The following DNMT3A variants were observed in gnomAD, a reference collection of about 807,000 sequenced individuals.
DNMT3A encodes DNA (cytosine-5)-methyltransferase 3A.
Under a neutral mutation model 117.6 loss-of-function variants are expected in DNMT3A, and 267 were observed. That is an observed-to-expected ratio of 2.27 (90% CI 2.05 to 2.51). The LOEUF is 2.51. Among genes scored for constraint, DNMT3A ranks in the 30% most tolerant of loss-of-function variants. The probability of loss-of-function intolerance (pLI) is 0.00; values close to 1 mark genes in which losing one functional copy is unlikely to be tolerated. For synonymous variants in DNMT3A, 432 were observed against 474.8 expected, an observed-to-expected ratio of 0.91 and a Z score of 1.17; for missense variants, 1,029 against 1,260.2, an observed-to-expected ratio of 0.82 and a Z score of 2.78.
Position 25,283,043 on chromosome 2 carries a change from A to G in DNMT3A, c.178-332T>C, listed in dbSNP as rs2032006455. 2.0e-5 allele frequency among the ~76,000 whole-genome samples: 3 copies of G among 152,142 alleles called. No individual in the cohort carries two copies. The South Asian group carries it at 6.2e-4, about 31-fold the overall frequency. ...TCACTGAGGTTACATAGGACGTCCAAGCCTTCTCTGCAGCCCCTGTTAAAA... is the reference window on the plus strand; with the variant it reads ...TCACTGAGGTTACATAGGACGTCCAGGCCTTCTCTGCAGCCCCTGTTAAAA... On this transcript the variant is annotated intron_variant, in intron 3 of 22. Transcript: ENST00000321117.
intron 6 of DNMT3A, among the ~76,000 whole-genome samples, chr2:25,269,272 A>G (rs1259639089): frequency 1.3e-5 from 2 of 152,236 alleles, no homozygotes; most frequent in Admixed American, 6.5e-5. Context: ...GGTTGCAGTG[A>G]GCCAAGAGAC....
chr2:25,265,483 C>T (rs991788518), intron 6 of DNMT3A, among the ~76,000 whole-genome samples: 1 of 152,176 alleles, frequency 6.6e-6, no homozygotes, highest in African/African-American at 2.4e-5. Flanking sequence ...AACCTACTTA[C>T]CTAGATAAAT....
intron 3 of DNMT3A, among the ~76,000 whole-genome samples, chr2:25,291,108 T>A (rs1283460763): frequency 6.6e-6 from 1 of 152,170 alleles, no homozygotes; most frequent in Non-Finnish European, 1.5e-5. Flanking sequence ...GCAAGGAAGC[T>A]GCGTGATGCC....
chr2:25,326,909 G>A (rs539826062), intron 1 of DNMT3A, among the ~76,000 whole-genome samples: 7 of 152,178 alleles, frequency 4.6e-5, no homozygotes, highest in African/African-American at 7.2e-5. Flanking sequence ...ACGTAGCAGC[G>A]GTGTGCTTCC....
At position 25,240,377 on chromosome 2, in the gene DNMT3A, G is replaced by GC; in HGVS notation, c.2246dup (p.Phe751LeufsTer6). 1 of 1,614,166 alleles carries GC rather than the reference G, an allele frequency of 6.2e-7. No homozygotes were observed. The highest frequency in any genetic ancestry group is 8.5e-7 in the Non-Finnish European group (1 of 1,180,002). ...CATTCTCAAAGAGCCAGAAGAAGGG[G>GC]CGATCATCTCCCTCCTTGGGCCGCG... On this transcript the variant is annotated frameshift_variant, in exon 19 of 23. Transcript: ENST00000321117. LOFTEE classifies it high-confidence loss of function.
intron 1 of DNMT3A, among the ~76,000 whole-genome samples, chr2:25,333,400 G>C (rs1294016793): frequency 6.6e-6 from 1 of 151,884 alleles, no homozygotes. Context: ...CGCGATCTCG[G>C]CTCACTGCAA....
intron 2 of DNMT3A, among the ~76,000 whole-genome samples, chr2:25,309,645 TAAC>T (rs2033992326): frequency 6.6e-6 from 1 of 152,190 alleles, no homozygotes; most frequent in Non-Finnish European, 1.5e-5. Flanking sequence ...CACTAGCACT[TAAC>T]AAGCTGTGTG....
At chr2:25,333,660 C>A (rs2035098531) in intron 1 of DNMT3A, among the ~76,000 whole-genome samples, 1 of 152,170 alleles carries the variant, frequency 6.6e-6, no homozygotes, top group Non-Finnish European at 1.5e-5. Flanking sequence ...GCAGCAGGGC[C>A]TTACAGAGCA....
At chr2:25,340,364 G>A (rs1348709258) in intron 1 of DNMT3A, among the ~76,000 whole-genome samples, 2 of 152,200 alleles carry the variant, frequency 1.3e-5, no homozygotes, top group African/African-American at 4.8e-5. Context: ...AATGGCAGAG[G>A]GGCGCTGGGG....
intron 4 of DNMT3A, among the ~76,000 whole-genome samples, chr2:25,278,826 T>A (rs2031665403): frequency 6.7e-6 from 1 of 148,528 alleles, no homozygotes; most frequent in African/African-American, 2.5e-5. Flanking sequence ...TGAGACGCTG[T>A]CTCAAAAAAA....
At chr2:25,251,383 A>G (rs960589770) in intron 6 of DNMT3A, among the ~76,000 whole-genome samples, 7 of 152,052 alleles carry the variant, frequency 4.6e-5, no homozygotes, top group African/African-American at 1.7e-4. Flanking sequence ...GGGCGGAGAA[A>G]CCAGGCGGCA....
chr2:25,282,569 G>A lies in DNMT3A; in HGVS notation c.320C>T (p.Ala107Val). 1 of 1,613,524 alleles carries A rather than the reference G, an allele frequency of 6.2e-7. No homozygotes were observed. The highest frequency in any genetic ancestry group is 8.5e-7 in the Non-Finnish European group (1 of 1,179,982). Residue 107 changes from alanine to valine, a missense_variant, in exon 4 of 23, where the codon GCT (alanine) becomes GTT (valine). Coordinates refer to ENST00000321117, the MANE Select transcript of DNMT3A (RefSeq NM_022552.5). This position sits in a 1 kb window ranked among gnomAD's most constrained non-coding sequence, Gnocchi z 5.2. ...TGGGGCCCCGCCCTTCTGCCCCCCAGCAGGGCTCCCCTCCTCTGGCTGGGG... is the reference window on the plus strand; with the variant it reads ...TGGGGCCCCGCCCTTCTGCCCCCCAACAGGGCTCCCCTCCTCTGGCTGGGG... ...SEPQPEEGSP[A>V]GGQKGGAPAE...
chr2:25,239,077 T>A (rs942824589), intron 20 of DNMT3A, 53 bp downstream of exon 20: 6 of 1,549,432 alleles, frequency 3.9e-6, no homozygotes, highest in Non-Finnish European at 5.3e-6. Flanking sequence ...CTATGGGTCA[T>A]CCCACCTGCA....
rs1010315535 is a variant in DNMT3A, at chr2:25,293,599, C to T, written c.177+6540G>A. Among the ~76,000 whole-genome samples the T allele has an allele frequency of 6.6e-6, 1 of 152,146 alleles. No individual in the cohort carries two copies. Among genetic ancestry groups the T allele is most frequent in the African/African-American group, 2.4e-5 (1 of 41,432 alleles). ...AACCTCCCGGGGTCAAGAGATCCTC[C>T]TGCCTTAGCCTCCCAAGTAGCTGCG... is the stretch of plus-strand genomic sequence containing the variant. On this transcript the variant is annotated intron_variant, in intron 3 of 22. Coordinates refer to ENST00000321117, the MANE Select transcript of DNMT3A (RefSeq NM_022552.5). The surrounding 1 kb of genome is among the most constrained non-coding windows in gnomAD (Gnocchi z 4.7).
chr2:25,258,093 G>A (rs780236121), intron 6 of DNMT3A, among the ~76,000 whole-genome samples: 1 of 152,214 alleles, frequency 6.6e-6, no homozygotes, highest in Admixed American at 6.5e-5. Flanking sequence ...TCAAACCAAA[G>A]CCTCTGACAA....
rs185712257 is a variant in DNMT3A, at chr2:25,315,513, T to G, written c.-177-1352A>C. Among the ~76,000 whole-genome samples, 308 of 152,246 alleles carry G rather than the reference T, an allele frequency of 2.0e-3. 5 individuals carry two copies. The highest frequency in any genetic ancestry group is 7.6e-4 in the Non-Finnish European group (52 of 67,992). On this transcript the variant is annotated intron_variant, in intron 1 of 22. Coordinates refer to ENST00000321117, the MANE Select transcript of DNMT3A (RefSeq NM_022552.5). The stretch of plus-strand genomic sequence containing the variant: ...CCTAGGCACAGCGCAGTGCTGGGCT[T>G]AAGGAAGGTTTGCTGCCCGGGTCCC...
intron 3 of DNMT3A, among the ~76,000 whole-genome samples, chr2:25,283,832 A>G (rs1437401096): frequency 6.6e-6 from 1 of 152,226 alleles, no homozygotes; most frequent in Non-Finnish European, 1.5e-5. Flanking sequence ...CAGTGGACAA[A>G]GCTCCTCACT....
chr2:25,238,588 T>C (rs965397346), intron 20 of DNMT3A, among the ~76,000 whole-genome samples: 2 of 152,250 alleles, frequency 1.3e-5, no homozygotes, highest in Non-Finnish European at 2.9e-5. Flanking sequence ...TTTTCTTCAT[T>C]CCTAGATATT....
chr2:25,243,918 A>G lies in DNMT3A; in HGVS notation c.1916T>C (p.Leu639Pro), dbSNP rs1674381913. 1 of 1,552,080 alleles carries G rather than the reference A, an allele frequency of 6.4e-7. No homozygotes were observed. Residue 639 changes from leucine to proline, a missense_variant, in exon 16 of 23, where the codon CTC becomes CCC. Physicochemically the swap from Leu to Pro is moderately conservative, Grantham distance 98. Transcript: ENST00000321117. ...CTCACCTGTAGCGATTCCATCAAAG[A>G]GAGACAGCACCCGGATGGGCTTCCT... ...EKRKPIRVLS[L>P]FDGIATGLLV...
Sources: allele counts gnomAD v4.1 joint callset (sites outside exome capture counted in the v4.1 genomes callset), GRCh38; gene constraint gnomAD v4.1.1; non-coding constraint Gnocchi (gnomAD v3.1); transcripts MANE v1.5; gene names NCBI Gene and HGNC (gene_info 2026-07-23, HGNC 2026-07-21).